TMTC1: variants seen among roughly 807,000 people sequenced by gnomAD.
TMTC1 encodes the protein transmembrane O-mannosyltransferase targeting cadherins 1.
A neutral mutation model predicts 104.8 loss-of-function variants in TMTC1; 73 were observed. The observed-to-expected ratio is 0.70, with a 90% CI of 0.58 to 0.85. The LOEUF (loss-of-function observed/expected upper bound fraction) is 0.85, where lower values mean the gene tolerates loss of function less well. Ranked by LOEUF, TMTC1 falls within the 40% of genes least tolerant of loss-of-function variation. The probability of loss-of-function intolerance (pLI) is 0.00; values close to 1 mark genes in which losing one functional copy is unlikely to be tolerated. For missense variants in TMTC1, 1,035 were observed against 1,096.1 expected (o/e 0.94, Z 0.79); for synonymous variants, 434 against 428.7 (o/e 1.01, Z -0.15).
intron 6 of TMTC1, among the ~76,000 whole-genome samples, chr12:29,624,914 A>G (rs889627823): frequency 6.6e-5 from 10 of 152,214 alleles, no homozygotes; most frequent in African/African-American, 2.2e-4. Context: ...GTTGTTTTCT[A>G]TGATTGAGAA....
intron 8 of TMTC1, among the ~76,000 whole-genome samples, chr12:29,577,750 T>A (rs1386974236): frequency 6.6e-6 from 1 of 152,182 alleles, no homozygotes; most frequent in African/African-American, 2.4e-5. Flanking sequence ...ACACTATCTT[T>A]CATTTATGAT....
At chr12:29,575,989 ATG>A (rs1226240641) in intron 8 of TMTC1, among the ~76,000 whole-genome samples, 1 of 152,124 alleles carries the variant, frequency 6.6e-6, no homozygotes, top group African/African-American at 2.4e-5. Context: ...CGTTTCCCTG[ATG>A]ATTAGTGATG....
At chr12:29,530,632 G>A (rs985744094) in intron 11 of TMTC1, among the ~76,000 whole-genome samples, 7 of 152,110 alleles carry the variant, frequency 4.6e-5, no homozygotes, top group Non-Finnish European at 8.8e-5. Flanking sequence ...TAGGCAACCC[G>A]TTCAGCATAA....
At chr12:29,632,228 A>G (rs1293492901) in intron 6 of TMTC1, among the ~76,000 whole-genome samples, 1 of 152,198 alleles carries the variant, frequency 6.6e-6, no homozygotes, top group Non-Finnish European at 1.5e-5. Context: ...ATCTGACAGG[A>G]TGGAAAGACC....
In TMTC1 at chr12:29,762,889, C is replaced by T. The variant is rs114379228; in HGVS notation, c.481-4112G>A. 5.1e-3 allele frequency among the ~76,000 whole-genome samples: 782 copies of T among 152,364 alleles called. 10 individuals carry two copies. Among genetic ancestry groups the T allele is most frequent in the African/African-American group, 0.017 (720 of 41,586 alleles). ...TGTAAGCCCAGATCTGCTCAGACTACACTACCACCTCCTTGAACATTTAGC... is the reference window on the plus strand; with the variant it reads ...TGTAAGCCCAGATCTGCTCAGACTATACTACCACCTCCTTGAACATTTAGC... On this transcript the variant is annotated intron_variant, in intron 2 of 17. Transcript: ENST00000539277.
chr12:29,663,417 C>T (rs1240143868), intron 5 of TMTC1, among the ~76,000 whole-genome samples: 1 of 152,170 alleles, frequency 6.6e-6, no homozygotes, highest in Non-Finnish European at 1.5e-5. Flanking sequence ...CTCAAGTTCC[C>T]TCTGTTGCCT....
chr12:29,735,033 T>C (rs1591990183), intron 5 of TMTC1, among the ~76,000 whole-genome samples: 2 of 152,192 alleles, frequency 1.3e-5, no homozygotes, highest in African/African-American at 2.4e-5. Context: ...ACTAAGCATA[T>C]GCCAACCGTG....
chr12:29,610,445 G>C (rs1230441917), intron 6 of TMTC1, among the ~76,000 whole-genome samples: 1 of 152,230 alleles, frequency 6.6e-6, no homozygotes, highest in Non-Finnish European at 1.5e-5. Flanking sequence ...AGCTGGAGAA[G>C]AGGAAGTTTT....
chr12:29,726,590 T>G (rs1382596352), intron 5 of TMTC1, among the ~76,000 whole-genome samples: 1 of 152,116 alleles, frequency 6.6e-6, no homozygotes, highest in East Asian at 1.9e-4. Flanking sequence ...AACCCTAGAC[T>G]CTCTTCAGTT....
intron 5 of TMTC1, among the ~76,000 whole-genome samples, chr12:29,646,879 A>G (rs986935077): frequency 9.2e-5 from 14 of 152,128 alleles, no homozygotes; most frequent in African/African-American, 3.4e-4. Context: ...CTGTCATCCA[A>G]TCTTGTGACT....
Position 29,549,492 on chromosome 12 carries a change from C to T in TMTC1, c.1676+7365G>A, listed in dbSNP as rs1055333667. 5.9e-5 allele frequency among the ~76,000 whole-genome samples: 9 copies of T among 152,062 alleles called. 1 individual carries two copies. Among genetic ancestry groups the T allele is most frequent in the Middle Eastern group, 3.4e-3 (1 of 294 alleles). ...CACATAAAATTGTCAAAACTCATTG[C>T]ACTGAAGACTTAAGATTTGTGCATT... is the stretch of plus-strand genomic sequence containing the variant. On this transcript the variant is annotated intron_variant, in intron 10 of 17. Transcript: ENST00000539277.
intron 5 of TMTC1, among the ~76,000 whole-genome samples, chr12:29,734,865 T>G (rs1423988757): frequency 1.3e-5 from 2 of 152,186 alleles, no homozygotes. Flanking sequence ...TTAAAGTGAT[T>G]GCCTGGGACT....
At chr12:29,631,427 A>G (rs577754425) in intron 6 of TMTC1, among the ~76,000 whole-genome samples, 9 of 152,330 alleles carry the variant, frequency 5.9e-5, no homozygotes, top group South Asian at 2.1e-4. Flanking sequence ...TGTATACTGT[A>G]TAAGGTAAGG....
intron 5 of TMTC1, among the ~76,000 whole-genome samples, chr12:29,699,340 C>T (rs915857875): frequency 6.6e-6 from 1 of 152,008 alleles, no homozygotes; most frequent in African/African-American, 2.4e-5. Flanking sequence ...TAATCTATAA[C>T]ATAAAAATGA....
intron 5 of TMTC1, among the ~76,000 whole-genome samples, chr12:29,671,928 G>A (rs1940532572): frequency 6.6e-6 from 1 of 152,186 alleles, no homozygotes; most frequent in Non-Finnish European, 1.5e-5. Context: ...CAGCTGCACA[G>A]GGACTAGAGT....
intron 8 of TMTC1, among the ~76,000 whole-genome samples, chr12:29,581,564 C>CT (rs1486581726): frequency 1.9e-3 from 286 of 148,510 alleles, no homozygotes; most frequent in African/African-American, 5.1e-3. Context: ...ATTTTTTTTT[C>CT]TTTTTTTTTT....
rs903036533 is a variant in TMTC1, at chr12:29,572,805, C to A, written c.1419-587G>T. 1.9e-4 allele frequency among the ~76,000 whole-genome samples: 29 copies of A among 152,172 alleles called. 1 individual carries two copies. The highest frequency in any genetic ancestry group is 7.3e-5 in the Non-Finnish European group (5 of 68,032). ...CTTCCTTTTGCATCTGTCTCTGGAG[C>A]AGCCTTCTTTTTCATGGAGACTTGA... On this transcript the variant is annotated intron_variant, in intron 8 of 17. Transcript: ENST00000539277.
chr12:29,677,333 G>A (rs1940764726), intron 5 of TMTC1, among the ~76,000 whole-genome samples: 1 of 151,768 alleles, frequency 6.6e-6, no homozygotes, highest in Admixed American at 6.6e-5. Flanking sequence ...AGGACCAATG[G>A]GCCTACTCAC....
chr12:29,562,985 C>T (rs1012879028), intron 9 of TMTC1, among the ~76,000 whole-genome samples: 3 of 152,120 alleles, frequency 2.0e-5, no homozygotes, highest in Non-Finnish European at 2.9e-5. Context: ...CAACTTGCTC[C>T]CATCAGTCAA....
Sources: gnomAD v4.1 joint callset for allele counts (sites outside exome capture counted in the v4.1 genomes callset) on GRCh38, gnomAD v4.1.1 for gene constraint, MANE v1.5 for transcripts, NCBI Gene and HGNC (gene_info 2026-07-23, HGNC 2026-07-21) for gene names.